Variants in VIPAS39 observed in about 807,000 individuals in gnomAD.
The protein encoded by VIPAS39 is spermatogenesis-defective protein 39 homolog.
A neutral mutation model predicts 84.7 loss-of-function variants in VIPAS39; 63 were observed. The observed-to-expected ratio is 0.74, with a 90% CI of 0.61 to 0.92. VIPAS39 has a LOEUF of 0.92. Among genes scored for constraint, VIPAS39 ranks in the 40% least tolerant of loss-of-function variants. The pLI, the probability that VIPAS39 is intolerant of heterozygous loss-of-function variation, is 0.00. For missense variants in VIPAS39, 499 were observed against 604.5 expected (o/e 0.83, Z 1.83); for synonymous variants, 192 against 216.5 (o/e 0.89, Z 0.99).
intron 14 of VIPAS39, 49 bp downstream of exon 14, chr14:77,435,206 ATCTT>A (rs2078588141): frequency 6.2e-7 from 1 of 1,611,802 alleles, no homozygotes; most frequent in Non-Finnish European, 8.5e-7. Context: ...GATTTGAACT[ATCTT>A]CTTTTTGTGC....
intron 4 of VIPAS39, among the ~76,000 whole-genome samples, chr14:77,450,671 G>A (rs1967638): frequency 0.16 from 23,902 of 151,954 alleles, 2,262 homozygotes; most frequent in Middle Eastern, 0.28. Context: ...CACCATGCCC[G>A]GCTAATTTTT....
At position 77,435,427 on chromosome 14, in the gene VIPAS39, A is replaced by AAAC. The variant is rs5809829; in HGVS notation, c.913-37_913-35dup. Reference sequence around the variant, plus strand: ...GAGTGAGCCAAGTGAAAAAAAAAAAAAACAATGTCCATGGAGTAGAGGCAG... The same window carrying AAAC: ...GAGTGAGCCAAGTGAAAAAAAAAAAAAACAACAATGTCCATGGAGTAGAGGCAG... On this transcript the variant is annotated intron_variant, in intron 13 of 19. Transcript: ENST00000557658. 8.7e-6 allele frequency: 14 copies of AAAC among 1,611,058 alleles called. No individual in the cohort carries two copies. The East Asian group carries it at 2.5e-4, about 28-fold the overall frequency.
intron 4 of VIPAS39, among the ~76,000 whole-genome samples, chr14:77,450,468 T>C (rs2078864976): frequency 6.6e-6 from 1 of 152,210 alleles, no homozygotes; most frequent in African/African-American, 2.4e-5. Flanking sequence ...CTGCTTTCCA[T>C]TCTTTTTGAG....
intron 5 of VIPAS39, 96 bp downstream of exon 5, chr14:77,449,618 T>C: frequency 6.7e-7 from 1 of 1,498,232 alleles, no homozygotes; most frequent in South Asian, 1.1e-5. Flanking sequence ...AGAAAGTTCA[T>C]CTTGTCATCT....
chr14:77,451,401 TA>T, intron 3 of VIPAS39, 68 bp from the exon 4 acceptor site: 1 of 1,612,478 alleles, frequency 6.2e-7, no homozygotes, highest in Non-Finnish European at 8.5e-7. Flanking sequence ...CAACATTCAA[TA>T]AACTCTAAAA....
chr14:77,434,422 A>G, intron 14 of VIPAS39, 119 bp from the exon 15 acceptor site: 1 of 935,614 alleles, frequency 1.1e-6, no homozygotes, highest in African/African-American at 1.6e-5. Context: ...CCATTTAAAC[A>G]TAGAAATTAA....
chr14:77,456,965 T>C, intron 1 of VIPAS39: 1 of 654,778 alleles, frequency 1.5e-6, no homozygotes, highest in South Asian at 3.0e-5. Flanking sequence ...TCGTCTCTTG[T>C]TTACTGACAG....
intron 1 of VIPAS39, among the ~76,000 whole-genome samples, chr14:77,454,413 G>C (rs1464276355): frequency 6.6e-6 from 1 of 152,172 alleles, no homozygotes; most frequent in Admixed American, 6.5e-5. Context: ...AGTGGCTCAG[G>C]CCTTTAATCC....
chr14:77,457,500 C>T lies in VIPAS39; in HGVS notation c.-6G>A. The T allele has an allele frequency of 9.4e-7, 1 of 1,069,088 alleles. No homozygotes were observed. The highest frequency in any genetic ancestry group is 1.4e-5 in the South Asian group (1 of 69,512). 66.2% of individuals were successfully genotyped at this position (1,069,088 alleles called of 1,614,324 possible). A position where few individuals can be genotyped will look rare whatever the true frequency, so the allele number is the denominator to read the frequency against. On this transcript the variant is annotated 5_prime_UTR_variant, in exon 1 of 20. Coordinates refer to ENST00000557658, the MANE Select transcript of VIPAS39 (RefSeq NM_001193315.2). ...GGGGCTTGGGACACCCTCACCTCTT[C>T]CGCACAGAGCCCTCCCTCTCAGGAC...
chr14:77,455,367 C>T (rs184635471), intron 1 of VIPAS39, among the ~76,000 whole-genome samples: 1 of 152,246 alleles, frequency 6.6e-6, no homozygotes, highest in Admixed American at 6.5e-5. Flanking sequence ...GTGACGTAGT[C>T]CCAGCTGCTT....
Position 77,451,344 on chromosome 14 carries a change from G to A in VIPAS39, c.197-11C>T, listed in dbSNP as rs1222670096. On this transcript the variant is annotated splice_polypyrimidine_tract_variant and intron_variant, in intron 3 of 19. Coordinates refer to ENST00000557658, the MANE Select transcript of VIPAS39 (RefSeq NM_001193315.2). ...TGGACCATGAGATACCTGTGAGATA[G>A]TAAGAACTACATCAGCAATTCTCAT... 6.2e-7 allele frequency: 1 copy of A among 1,614,148 alleles called. No homozygotes were observed. The highest frequency in any genetic ancestry group is 1.7e-5 in the Admixed American group (1 of 60,020).
intron 4 of VIPAS39, among the ~76,000 whole-genome samples, chr14:77,450,711 T>G (rs577643351): frequency 6.6e-6 from 1 of 152,326 alleles, no homozygotes; most frequent in South Asian, 2.1e-4. Flanking sequence ...GGTTTCACCA[T>G]ATTGGTAGGC....
rs2078982990 is a variant in VIPAS39, at chr14:77,457,578, T to G, written c.-84A>C. On this transcript the variant is annotated 5_prime_UTR_variant, in exon 1 of 20. Transcript: ENST00000557658. The stretch of plus-strand genomic sequence containing the variant: ...AGCCCTTCTATTCAGGCTGTGCAGC[T>G]TAGAGAAGGGGGCGGAAGGGAATAA... The G allele has an allele frequency of 1.7e-6, 1 of 589,794 alleles. No individual in the cohort carries two copies. 36.5% of individuals were successfully genotyped at this position (589,794 alleles called of 1,614,324 possible). A position where few individuals can be genotyped will look rare whatever the true frequency, so the allele number is the denominator to read the frequency against.
intron 13 of VIPAS39, 105 bp downstream of exon 13, chr14:77,435,739 A>C (rs1412566937): frequency 7.8e-7 from 1 of 1,284,572 alleles, no homozygotes; most frequent in East Asian, 2.3e-5. Flanking sequence ...GGCTTTTAGA[A>C]ACCAGTAAGA....
At chr14:77,451,394 C>T in intron 3 of VIPAS39, 61 bp from the exon 4 acceptor site, 4 of 1,613,046 alleles carry the variant, frequency 2.5e-6, no homozygotes, top group Non-Finnish European at 3.4e-6. Context: ...TGACATCCAA[C>T]ATTCAATAAA....
At chr14:77,448,421 G>T in intron 7 of VIPAS39, 73 bp downstream of exon 7, 1 of 1,407,120 alleles carries the variant, frequency 7.1e-7, no homozygotes, top group Non-Finnish European at 1.0e-6. Context: ...CTGAAGAGAG[G>T]TCAAGAAATC....
chr14:77,442,431 A>T (rs2078717240), intron 10 of VIPAS39, 129 bp downstream of exon 10: 1 of 830,452 alleles, frequency 1.2e-6, no homozygotes, highest in East Asian at 2.4e-5. Flanking sequence ...ATCCCCTCAC[A>T]CTTCAATAGC....
At chr14:77,441,211 CA>C in intron 10 of VIPAS39, 118 bp from the exon 11 acceptor site, 1 of 1,113,948 alleles carries the variant, frequency 9.0e-7, no homozygotes, top group Admixed American at 1.9e-5. Context: ...TCCCTCTATA[CA>C]CAAGATAAAT....
At position 77,453,995 on chromosome 14, in the gene VIPAS39, C is replaced by T. The variant is rs1325599550; in HGVS notation, c.93+15G>A. Reference sequence around the variant, plus strand: ...GCACTGTGGAGAAGAGTACAAACTTCAGCAGTTGACCTACCTGTGAAAGCT... The same window carrying T: ...GCACTGTGGAGAAGAGTACAAACTTTAGCAGTTGACCTACCTGTGAAAGCT... On this transcript the variant is annotated intron_variant, in intron 2 of 19. Transcript: ENST00000557658. The T allele has an allele frequency of 6.2e-7, 1 of 1,613,784 alleles. No individual in the cohort carries two copies. The highest frequency in any genetic ancestry group is 8.5e-7 in the Non-Finnish European group (1 of 1,179,702).
Sources: allele counts gnomAD v4.1 joint callset (sites outside exome capture counted in the v4.1 genomes callset), GRCh38; gene constraint gnomAD v4.1.1; transcripts MANE v1.5; gene names NCBI Gene and HGNC (gene_info 2026-07-23, HGNC 2026-07-21).